Variants in ZSWIM6 observed in about 807,000 individuals in gnomAD.
ZSWIM6 encodes the protein zinc finger SWIM domain-containing protein 6.
ZSWIM6 carries 9 observed loss-of-function variants against 113.2 expected under a neutral mutation model. That is an observed-to-expected ratio of 0.08 (90% CI 0.05 to 0.14). The LOEUF is 0.14. Ranked by LOEUF, ZSWIM6 falls within the 10% of genes least tolerant of loss-of-function variation. The pLI is 1.00. For missense variants in ZSWIM6, 1,162 were observed against 1,552.2 expected (o/e 0.75, Z 4.22); for synonymous variants, 611 against 606.5 (o/e 1.01, Z -0.11).
intron 1 of ZSWIM6, among the ~76,000 whole-genome samples, chr5:61,396,925 A>C (rs1161680322): frequency 1.3e-5 from 2 of 152,294 alleles, no homozygotes; most frequent in Non-Finnish European, 2.9e-5. Context: ...AGTATTATAA[A>C]CATAATAACA....
At chr5:61,357,484 A>G (rs1323824170) in intron 1 of ZSWIM6, among the ~76,000 whole-genome samples, 1 of 151,794 alleles carries the variant, frequency 6.6e-6, no homozygotes, top group African/African-American at 2.4e-5. Context: ...AGATGGAAGG[A>G]GTGGGAGAAA....
chr5:61,505,665 TCCTTCCTTCTTTCCTTG>T (rs1748588281), intron 4 of ZSWIM6, among the ~76,000 whole-genome samples: 2 of 111,818 alleles, frequency 1.8e-5, no homozygotes, highest in African/African-American at 7.4e-5. Context: ...CTTCCTTCCT[TCCTTCCTTCTTTCCTTG>T]CCTCCCTCCC....
chr5:61,337,763 A>G (rs187814267), intron 1 of ZSWIM6, among the ~76,000 whole-genome samples: 4 of 152,378 alleles, frequency 2.6e-5, no homozygotes, highest in East Asian at 3.8e-4. Flanking sequence ...AGTCTACACA[A>G]GCAATCTTGG....
intron 2 of ZSWIM6, among the ~76,000 whole-genome samples, chr5:61,485,682 T>A (rs568542453): frequency 1.3e-5 from 2 of 152,312 alleles, no homozygotes; most frequent in African/African-American, 4.8e-5. Context: ...CTGCTGTCAT[T>A]GCTGTTTTTC....
At chr5:61,375,721 G>T in intron 1 of ZSWIM6, 1 of 1,544,102 alleles carries the variant, frequency 6.5e-7, no homozygotes, top group Non-Finnish European at 8.8e-7. Flanking sequence ...TATTGAGGAG[G>T]TGCAAGCAAA....
chr5:61,350,154 T>C (rs1223248880), intron 1 of ZSWIM6, among the ~76,000 whole-genome samples: 1 of 152,192 alleles, frequency 6.6e-6, no homozygotes, highest in East Asian at 1.9e-4. Context: ...ATCCAGATAT[T>C]GTGTGACCAC....
chr5:61,541,534 C>A (rs1259457068), intron 12 of ZSWIM6, among the ~76,000 whole-genome samples: 2 of 151,798 alleles, frequency 1.3e-5, no homozygotes, highest in Admixed American at 1.3e-4. Context: ...AATGTTAAAT[C>A]TGGGGAGGGA....
chr5:61,451,850 GTTTA>G (rs1026677657), intron 1 of ZSWIM6, among the ~76,000 whole-genome samples: 4 of 152,040 alleles, frequency 2.6e-5, no homozygotes, highest in African/African-American at 9.7e-5. Context: ...CTAATAAATT[GTTTA>G]TTTGTCAGGA....
intron 7 of ZSWIM6, among the ~76,000 whole-genome samples, chr5:61,526,837 G>C (rs1286093333): frequency 6.6e-6 from 1 of 152,154 alleles, no homozygotes. Context: ...ATTCTCTTCT[G>C]TGCAATGAGG....
chr5:61,362,795 A>G (rs938794493), intron 1 of ZSWIM6, among the ~76,000 whole-genome samples: 1 of 152,096 alleles, frequency 6.6e-6, no homozygotes, highest in East Asian at 1.9e-4. Flanking sequence ...TATCTTTTAT[A>G]TCTGTTTAGG....
chr5:61,405,047 G>A lies in ZSWIM6; in HGVS notation c.677-67634G>A, dbSNP rs1282121675. Among the ~76,000 whole-genome samples, 5 of 152,336 alleles carry A rather than the reference G, an allele frequency of 3.3e-5. No homozygotes were observed. In the East Asian group the frequency reaches 9.6e-4, roughly 29 times the overall value. ...ATATGACAAATAAGGCCATAAATAC[G>A]AAGGGTTTCCGAACCAACAGCCAGA... On this transcript the variant is annotated intron_variant, in intron 1 of 13. Coordinates refer to ENST00000252744, the MANE Select transcript of ZSWIM6 (RefSeq NM_020928.2).
At position 61,545,480 on chromosome 5, in the gene ZSWIM6, A is replaced by C. The variant is rs907400408; in HGVS notation, c.*1163A>C. The C allele has an allele frequency of 5.9e-5, 9 of 152,064 alleles. No homozygotes were observed. Among genetic ancestry groups the C allele is most frequent in the African/African-American group, 1.9e-4 (8 of 41,406 alleles). 9.4% of individuals were successfully genotyped at this position (152,064 alleles called of 1,614,324 possible). A position where few individuals can be genotyped will look rare whatever the true frequency, so the allele number is the denominator to read the frequency against. ...AATATCCTTTTGACACAAAACACAA[A>C]ATGTTTTCCAAAACAATTGACATAA... On this transcript the variant is annotated 3_prime_UTR_variant, in exon 14 of 14. Coordinates refer to ENST00000252744, the MANE Select transcript of ZSWIM6 (RefSeq NM_020928.2).
At chr5:61,496,887 A>G (rs1748331525) in intron 4 of ZSWIM6, among the ~76,000 whole-genome samples, 1 of 152,184 alleles carries the variant, frequency 6.6e-6, no homozygotes, top group African/African-American at 2.4e-5. Flanking sequence ...TAAAGTTGTA[A>G]TGCAAAACAA....
At chr5:61,508,323 C>T (rs144548672) in intron 4 of ZSWIM6, among the ~76,000 whole-genome samples, 118 of 152,102 alleles carry the variant, frequency 7.8e-4, no homozygotes, top group African/African-American at 2.5e-3. Flanking sequence ...ATGTGTTACC[C>T]GATATTGTTA....
intron 4 of ZSWIM6, among the ~76,000 whole-genome samples, chr5:61,510,929 G>A (rs1366704350): frequency 6.6e-6 from 1 of 152,122 alleles, no homozygotes; most frequent in Non-Finnish European, 1.5e-5. Context: ...CAGAGGGACA[G>A]CAGAATGAAG....
At chr5:61,497,997 T>G (rs978390941) in intron 4 of ZSWIM6, among the ~76,000 whole-genome samples, 1 of 152,056 alleles carries the variant, frequency 6.6e-6, no homozygotes, top group Non-Finnish European at 1.5e-5. Context: ...TTAATTACTG[T>G]GGGGGTCTAG....
Position 61,437,717 on chromosome 5 carries a change from CA to C in ZSWIM6, c.677-34942del, listed in dbSNP as rs1177075747. Among the ~76,000 whole-genome samples, 520 of 56,870 alleles carry C rather than the reference CA, an allele frequency of 9.1e-3. 1 individual carries two copies. Among genetic ancestry groups the C allele is most frequent in the Middle Eastern group, 0.042 (4 of 96 alleles). The allele number at this position is 56,870 out of a possible 152,430, so 37.3% of individuals were successfully genotyped here. A position where few individuals can be genotyped will look rare whatever the true frequency, so the allele number is the denominator to read the frequency against. The stretch of plus-strand genomic sequence containing the variant: ...GGTTGACAGAACCAGACCCTTTCTC[CA>C]AAAAAAAAAAAAAAAAAAAAAGAAA... On this transcript the variant is annotated intron_variant, in intron 1 of 13. Transcript: ENST00000252744.
intron 1 of ZSWIM6, among the ~76,000 whole-genome samples, chr5:61,467,419 T>C (rs1216409332): frequency 1.8e-4 from 28 of 152,210 alleles, no homozygotes; most frequent in Admixed American, 1.8e-3. Flanking sequence ...ATTCAGTTTG[T>C]AATGATACTG....
At chr5:61,356,728 T>C (rs1350808139) in intron 1 of ZSWIM6, among the ~76,000 whole-genome samples, 1 of 70,596 alleles carries the variant, frequency 1.4e-5, no homozygotes, top group Non-Finnish European at 2.9e-5. Context: ...TAACATAATA[T>C]ATAATATATA....
Sources: gnomAD v4.1 joint callset for allele counts (sites outside exome capture counted in the v4.1 genomes callset) on GRCh38, gnomAD v4.1.1 for gene constraint, MANE v1.5 for transcripts, NCBI Gene and HGNC (gene_info 2026-07-23, HGNC 2026-07-21) for gene names.